The following C2 variants were observed in gnomAD, a reference collection of about 807,000 sequenced individuals.
C2 encodes the protein complement C2.
In C2, 64 loss-of-function variants were observed where a neutral mutation model predicts 85.2. The ratio of observed to expected loss-of-function variants is 0.75; its 90% CI spans 0.61 to 0.92. The LOEUF is 0.92. C2 is among the 40% of genes least tolerant of loss of function. The pLI is 0.00. For synonymous variants in C2, 311 were observed against 370.8 expected, an observed-to-expected ratio of 0.84 and a Z score of 1.85; for missense variants, 820 against 971.6, an observed-to-expected ratio of 0.84 and a Z score of 2.07.
chr6:31,944,325 G>T lies in C2; in HGVS notation c.1902+99G>T. The T allele has an allele frequency of 1.2e-6, 1 of 854,218 alleles. No individual in the cohort carries two copies. The highest frequency in any genetic ancestry group is 2.0e-6 in the Non-Finnish European group (1 of 502,868). 52.9% of individuals were successfully genotyped at this position (854,218 alleles called of 1,614,324 possible). A position where few individuals can be genotyped will look rare whatever the true frequency, so the allele number is the denominator to read the frequency against. ...TCTGGCTGCTTTCTCTCTCTGACGC[G>T]GGTCACCCCTCCTCCCAAGCCTCAC... On this transcript the variant is annotated intron_variant, in intron 15 of 17. Coordinates refer to ENST00000299367, the MANE Select transcript of C2 (RefSeq NM_000063.6). The surrounding 1 kb of genome is among the most constrained non-coding windows in gnomAD (Gnocchi z 5.1).
upstream of C2, among the ~76,000 whole-genome samples, chr6:31,898,492 A>G (rs1766877889): frequency 6.6e-6 from 1 of 152,114 alleles, no homozygotes; most frequent in South Asian, 2.1e-4. Context: ...TTTGGAAAAG[A>G]TCTGTATGAT....
At chr6:31,911,381 A>T (rs3128761) in intron 1 of C2, among the ~76,000 whole-genome samples, 138,916 of 152,260 alleles carry the variant, frequency 0.91, 63,600 homozygotes, top group East Asian at 1. Flanking sequence ...TAAGACTTTT[A>T]AAAAAAGATC....
chr6:31,943,731 A>T lies in C2; in HGVS notation c.1655A>T (p.Gln552Leu), dbSNP rs770660796. Residue 552 changes from glutamine (Q) to leucine (L), a missense_variant, in exon 13 of 18, where the codon CAG becomes CTG. Transcript: ENST00000299367. The surrounding 1 kb of genome is among the most constrained non-coding windows in gnomAD (Gnocchi z 6.4). ...TTTGATGTCTTTGCCAAAAAGAACC[A>T]GGGAATCCTGGAGTTCTATGGTGAT... ...PGFDVFAKKN[Q>L]GILEFYGDDI... is the part of the protein sequence containing the mutation. 36 of 1,613,052 alleles carry T rather than the reference A, an allele frequency of 2.2e-5. No individual in the cohort carries two copies. Among genetic ancestry groups the T allele is most frequent in the Non-Finnish European group, 3.0e-5 (35 of 1,180,014 alleles).
intron 3 of C2, among the ~76,000 whole-genome samples, chr6:31,931,917 AC>A: frequency 1.4e-5 from 1 of 73,010 alleles, no homozygotes; most frequent in Admixed American, 1.9e-4. Flanking sequence ...TCCCTCCCGG[AC>A]GGCGCGGCTG....
intron 1 of C2, among the ~76,000 whole-genome samples, chr6:31,909,619 A>G (rs1171934075): frequency 6.9e-6 from 1 of 145,696 alleles, no homozygotes; most frequent in Non-Finnish European, 1.5e-5. Context: ...TTTTTTTTGT[A>G]GAGATGAAGT....
chr6:31,932,288 G>A (rs1554279273), intron 3 of C2: 11 of 163,722 alleles, frequency 6.7e-5, no homozygotes, highest in Non-Finnish European at 1.4e-4. Flanking sequence ...CTGGCCGGGC[G>A]GGGGGCTGAC....
At chr6:31,907,398 G>C (rs1767777527) in intron 1 of C2, among the ~76,000 whole-genome samples, 1 of 151,166 alleles carries the variant, frequency 6.6e-6, no homozygotes, top group Non-Finnish European at 1.5e-5. Flanking sequence ...ACCAGCCTGG[G>C]CAACAAGGCA....
chr6:31,932,468 A>C, intron 3 of C2: 1 of 244,016 alleles, frequency 4.1e-6, no homozygotes, highest in South Asian at 3.1e-5. Flanking sequence ...CGCTCCTCAC[A>C]TCCCGGATGG....
In C2 at chr6:31,904,251, C is replaced by T. The variant is rs1356802928; in HGVS notation, c.73+3112C>T. Among the ~76,000 whole-genome samples, 1 of 152,018 alleles carries T rather than the reference C, an allele frequency of 6.6e-6. No individual in the cohort carries two copies. The highest frequency in any genetic ancestry group is 1.5e-5 in the Non-Finnish European group (1 of 68,028). ...TTGCTGAGTAAACAATAGCTCTGTT[C>T]TCCTTTTCCTAATCTGGGAAACGGA... is the stretch of plus-strand genomic sequence containing the variant. On this transcript the variant is annotated intron_variant, in intron 1 of 3. Transcript: ENST00000452202. The surrounding 1 kb of genome is among the most constrained non-coding windows in gnomAD (Gnocchi z 4.4).
chr6:31,926,559 C>T (rs1769272501), upstream of C2, among the ~76,000 whole-genome samples: 1 of 151,994 alleles, frequency 6.6e-6, no homozygotes, highest in African/African-American at 2.4e-5. Flanking sequence ...GTCTCAAATT[C>T]CTGACCTCAT....
At chr6:31,925,291 G>A (rs1344107898), upstream of C2, among the ~76,000 whole-genome samples, 1 of 151,808 alleles carries the variant, frequency 6.6e-6, no homozygotes, top group African/African-American at 2.4e-5. Flanking sequence ...GCCGAGTATT[G>A]CGCTTTTTTT....
Position 31,934,240 on chromosome 6 carries a change from AGT to A in C2, c.795_796del (p.Ser266GlyfsTer3), listed in dbSNP as rs775821591. 3 of 1,614,138 alleles carry A rather than the reference AGT, an allele frequency of 1.9e-6. No individual in the cohort carries two copies. Among genetic ancestry groups the A allele is most frequent in the Non-Finnish European group, 2.5e-6 (3 of 1,180,020 alleles). On this transcript the variant is annotated frameshift_variant, in exon 6 of 18. Transcript: ENST00000299367. LOFTEE classifies it high-confidence loss of function. Reference sequence around the variant, plus strand: ...CTACCTGCTCCTGGACTGTTCGCAGAGTGTGTCGGAAAATGACTTTCTCATCT... The same window carrying A: ...CTACCTGCTCCTGGACTGTTCGCAGAGTGTCGGAAAATGACTTTCTCATCT... ...NLYLLLDCSQ[S>X]VSENDFLIFK...
rs200095096 is a variant in C2 at position 31,927,981 on chromosome 6, C to T, written c.73C>T (p.Pro25Ser). The T allele has an allele frequency of 1.9e-4, 308 of 1,614,080 alleles. 1 individual carries two copies. The highest frequency in any genetic ancestry group is 1.1e-4 in the Non-Finnish European group (129 of 1,180,028). ...PGLADSAPSCPQNVNISGGTF... is the reference protein window; with the variant it reads ...PGLADSAPSCSQNVNISGGTF... ...TCTGGCAGACTCGGCTCCCTCCTGC[C>T]CTCAGAACGTGAATATCTCGGGTGG... Residue 25 changes from proline to serine, a missense_variant, in exon 2 of 18, where the codon CCT becomes TCT. Transcript: ENST00000299367. The surrounding 1 kb of genome is among the most constrained non-coding windows in gnomAD (Gnocchi z 4.7).
chr6:31,943,299 C>G lies in C2; in HGVS notation c.1435C>G (p.Pro479Ala). 1.2e-6 allele frequency: 2 copies of G among 1,612,836 alleles called. No homozygotes were observed. The highest frequency in any genetic ancestry group is 1.1e-5 in the South Asian group (1 of 91,084). Residue 479 changes from proline to alanine, a missense_variant, in exon 11 of 18, where the codon CCC (proline) becomes GCC (alanine). Transcript: ENST00000299367. The surrounding 1 kb of genome is among the most constrained non-coding windows in gnomAD (Gnocchi z 6.4). ...AAACGCCTCTGACCAGGAGAGGACACCCTGGCATGTCACTATTAAGGTACC... is the reference window on the plus strand; with the variant it reads ...AAACGCCTCTGACCAGGAGAGGACAGCCTGGCATGTCACTATTAAGGTACC... The part of the protein sequence containing the change: ...SANASDQERT[P>A]WHVTIKPKSQ...
Position 31,943,336 on chromosome 6 carries a change from GC to G in C2, c.1455+18del. 6.7e-7 allele frequency: 1 copy of G among 1,483,182 alleles called. No homozygotes were observed. Among genetic ancestry groups the G allele is most frequent in the Non-Finnish European group, 9.4e-7 (1 of 1,061,510 alleles). 91.9% of individuals were successfully genotyped at this position (1,483,182 alleles called of 1,614,324 possible). ...ACTATTAAGGTACCAGGAAGGAGGG[GC>G]AGGGCTTGGATTCCAGAGGTAAAAG... is the stretch of plus-strand genomic sequence containing the variant. On this transcript the variant is annotated intron_variant, in intron 11 of 17. Coordinates refer to ENST00000299367, the MANE Select transcript of C2 (RefSeq NM_000063.6). This position sits in a 1 kb window ranked among gnomAD's most constrained non-coding sequence, Gnocchi z 6.4.
Position 31,921,474 on chromosome 6 carries a change from G to C in C2, c.-100+1448G>C, listed in dbSNP as rs939236805. Among the ~76,000 whole-genome samples the C allele has an allele frequency of 2.0e-5, 3 of 152,060 alleles. No individual in the cohort carries two copies. The highest frequency in any genetic ancestry group is 4.4e-5 in the Non-Finnish European group (3 of 67,988). On this transcript the variant is annotated intron_variant, in intron 1 of 3. Coordinates refer to the C2 transcript ENST00000413154. The surrounding 1 kb of genome is among the most constrained non-coding windows in gnomAD (Gnocchi z 4.6). The stretch of plus-strand genomic sequence containing the variant: ...AAAGAGCCTAGGGGAGAGAGGGCTT[G>C]GAAATGCAAGGGGCTGGGGTAGACT...
At chr6:31,901,081 C>T in exon 1 of C2, 1 of 1,614,176 alleles carries the variant, frequency 6.2e-7, no homozygotes, top group South Asian at 1.1e-5. Flanking sequence ...GTGCACTGTG[C>T]ATCAGGGAGA....
chr6:31,937,125 C>T lies in C2; in HGVS notation c.989-194C>T, dbSNP rs971042718. The T allele has an allele frequency of 5.1e-6, 3 of 590,660 alleles. No homozygotes were observed. The African/African-American group carries it at 5.6e-5, about 11-fold the overall frequency. 36.6% of individuals were successfully genotyped at this position (590,660 alleles called of 1,614,324 possible). A position where few individuals can be genotyped will look rare whatever the true frequency, so the allele number is the denominator to read the frequency against. Reference sequence around the variant, plus strand: ...TTGGGAGACTGAGGCATGAGAATCACTTGAACTGGGGAGGTGGAGGTTGCA... The same window carrying T: ...TTGGGAGACTGAGGCATGAGAATCATTTGAACTGGGGAGGTGGAGGTTGCA... On this transcript the variant is annotated intron_variant, in intron 7 of 17. Coordinates refer to ENST00000299367, the MANE Select transcript of C2 (RefSeq NM_000063.6).
intron 1 of C2, among the ~76,000 whole-genome samples, chr6:31,903,586 C>T (rs1260283403): frequency 3.3e-5 from 5 of 152,048 alleles, no homozygotes; most frequent in African/African-American, 1.2e-4. Flanking sequence ...GCCTAGATTG[C>T]GCCATTGCAC....
Sources: allele counts gnomAD v4.1 joint callset (sites outside exome capture counted in the v4.1 genomes callset), GRCh38; gene constraint gnomAD v4.1.1; non-coding constraint Gnocchi (gnomAD v3.1); transcripts MANE v1.5; gene names NCBI Gene and HGNC (gene_info 2026-07-23, HGNC 2026-07-21).